The following HSD17B2 variants were observed in gnomAD, a reference collection of about 807,000 sequenced individuals.
HSD17B2 encodes hydroxysteroid 17-beta dehydrogenase 2.
HSD17B2 carries 32 observed loss-of-function variants against 26.9 expected under a neutral mutation model. The observed-to-expected ratio is 1.19, with a 90% CI of 0.90 to 1.60. The LOEUF is 1.60. HSD17B2 is among the 40% of genes most tolerant of loss of function. The pLI is 0.00. For missense variants in HSD17B2, 613 were observed against 468.6 expected (o/e 1.31, Z -2.85); for synonymous variants, 246 against 186.7 (o/e 1.32, Z -2.59).
chr16:82,077,247 C>G (rs1193549864), intron 3 of HSD17B2, among the ~76,000 whole-genome samples: 1 of 152,194 alleles, frequency 6.6e-6, no homozygotes, highest in Non-Finnish European at 1.5e-5. Context: ...GGAGGAATCA[C>G]ATTACCTGAC....
intron 1 of HSD17B2, among the ~76,000 whole-genome samples, chr16:82,061,566 A>G (rs1914439553): frequency 6.6e-6 from 1 of 152,220 alleles, no homozygotes; most frequent in Non-Finnish European, 1.5e-5. Context: ...ATCTATAGTA[A>G]TGAAAAATTA....
chr16:82,046,512 C>T (rs1332078287), intron 1 of HSD17B2, among the ~76,000 whole-genome samples: 2 of 151,964 alleles, frequency 1.3e-5, no homozygotes, highest in African/African-American at 2.4e-5. Context: ...CACTTGAGCC[C>T]GGGAGTTCAA....
chr16:82,052,752 C>T (rs531411002), intron 1 of HSD17B2, among the ~76,000 whole-genome samples: 1 of 152,322 alleles, frequency 6.6e-6, no homozygotes, highest in African/African-American at 2.4e-5. Context: ...CTGAAGATCA[C>T]ATGTAGTAGG....
chr16:82,073,957 C>T (rs976695773), intron 3 of HSD17B2, among the ~76,000 whole-genome samples: 2 of 152,162 alleles, frequency 1.3e-5, no homozygotes, highest in African/African-American at 4.8e-5. Context: ...AACTATACTA[C>T]AGGGCTACCT....
chr16:82,074,461 G>C (rs8191195), intron 3 of HSD17B2, among the ~76,000 whole-genome samples: 1 of 152,180 alleles, frequency 6.6e-6, no homozygotes, highest in Non-Finnish European at 1.5e-5. Flanking sequence ...ACAGGGCCGG[G>C]AGTTTGTGTA....
intron 1 of HSD17B2, among the ~76,000 whole-genome samples, chr16:82,059,472 T>C (rs1436183913): frequency 6.6e-6 from 1 of 152,220 alleles, no homozygotes; most frequent in Non-Finnish European, 1.5e-5. Context: ...TGCCAGTGGA[T>C]ACCGACCCCT....
chr16:82,054,257 C>T, intron 1 of HSD17B2, among the ~76,000 whole-genome samples: 1 of 151,204 alleles, frequency 6.6e-6, no homozygotes, highest in Non-Finnish European at 1.5e-5. Flanking sequence ...GCACATAGAT[C>T]AGATGAAAGT....
Position 82,080,841 on chromosome 16 carries a change from A to G in HSD17B2, c.664+9714A>G, listed in dbSNP as rs192422236. The stretch of plus-strand genomic sequence containing the variant: ...ACGCTTAGCACTTTATCGCATTCCA[A>G]AAAGGCAGAGTCAATCAAACAGATT... On this transcript the variant is annotated intron_variant, in intron 3 of 4. Coordinates refer to ENST00000199936, the MANE Select transcript of HSD17B2 (RefSeq NM_002153.3). Among the ~76,000 whole-genome samples the G allele has an allele frequency of 3.3e-3, 496 of 152,334 alleles. 5 individuals are homozygous for G. The highest frequency in any genetic ancestry group is 0.012 in the African/African-American group (480 of 41,574).
At chr16:82,045,755 G>A (rs1913907432) in intron 1 of HSD17B2, among the ~76,000 whole-genome samples, 1 of 152,234 alleles carries the variant, frequency 6.6e-6, no homozygotes, top group Non-Finnish European at 1.5e-5. Context: ...ACTGACAGAT[G>A]CTTCTCCAGT....
intron 1 of HSD17B2, among the ~76,000 whole-genome samples, chr16:82,056,709 C>G (rs116978660): frequency 1.3e-5 from 2 of 152,070 alleles, no homozygotes; most frequent in Non-Finnish European, 2.9e-5. Flanking sequence ...CTATTCACAA[C>G]GATAGGTGAA....
chr16:82,037,190 A>G (rs764003175), intron 1 of HSD17B2, among the ~76,000 whole-genome samples: 4 of 152,234 alleles, frequency 2.6e-5, no homozygotes, highest in Non-Finnish European at 5.9e-5. Context: ...GCTTATGGCA[A>G]TGAAGAAAGC....
At chr16:82,089,777 T>C (rs1192470351) in intron 3 of HSD17B2, among the ~76,000 whole-genome samples, 2 of 152,260 alleles carry the variant, frequency 1.3e-5, no homozygotes, top group African/African-American at 2.4e-5. Context: ...GCCTTCTCCC[T>C]TGTGCCTTCT....
intron 1 of HSD17B2, among the ~76,000 whole-genome samples, chr16:82,045,486 G>A (rs6564961): frequency 0.6 from 91,623 of 152,102 alleles, 27,858 homozygotes; most frequent in Admixed American, 0.66. Flanking sequence ...TGCCTGATAC[G>A]TAGTAGCTGC....
chr16:82,037,343 T>C (rs575651119), intron 1 of HSD17B2, among the ~76,000 whole-genome samples: 1 of 152,380 alleles, frequency 6.6e-6, no homozygotes, highest in South Asian at 2.1e-4. Flanking sequence ...AAGACCTTTG[T>C]ATGAAATCGA....
chr16:82,039,269 A>ACACACACACACG (rs564720049), intron 1 of HSD17B2, among the ~76,000 whole-genome samples: 39 of 151,590 alleles, frequency 2.6e-4, no homozygotes, highest in Admixed American at 8.6e-4. Context: ...ACACACACAC[A>ACACACACACACG]CACGCACAAA....
At chr16:82,088,110 T>A (rs1904581288) in intron 3 of HSD17B2, among the ~76,000 whole-genome samples, 1 of 152,206 alleles carries the variant, frequency 6.6e-6, no homozygotes, top group African/African-American at 2.4e-5. Context: ...AGGTTTAATA[T>A]TCAAAAGATT....
chr16:82,048,142 T>C (rs1913994472), intron 1 of HSD17B2, among the ~76,000 whole-genome samples: 1 of 152,156 alleles, frequency 6.6e-6, no homozygotes, highest in Admixed American at 6.5e-5. Context: ...ATCTTCCACA[T>C]AGGTAGGACA....
intron 1 of HSD17B2, among the ~76,000 whole-genome samples, chr16:82,038,121 G>A (rs1913667842): frequency 1.3e-5 from 2 of 152,112 alleles, no homozygotes; most frequent in South Asian, 2.1e-4. Flanking sequence ...CCAGGTGAGA[G>A]GCAATTACAA....
chr16:82,057,960 C>T (rs567149559), intron 1 of HSD17B2, among the ~76,000 whole-genome samples: 14 of 151,804 alleles, frequency 9.2e-5, no homozygotes, highest in East Asian at 5.8e-4. Flanking sequence ...GTAAAAGTAA[C>T]GCAATGTGAA....
Sources: allele counts gnomAD v4.1 joint callset (sites outside exome capture counted in the v4.1 genomes callset), GRCh38; gene constraint gnomAD v4.1.1; transcripts MANE v1.5; gene names NCBI Gene and HGNC (gene_info 2026-07-23, HGNC 2026-07-21).